DGKB: variants seen among roughly 807,000 people sequenced by gnomAD.
The protein encoded by DGKB is diacylglycerol kinase beta, also known as 90 kDa diacylglycerol kinase.
In DGKB, 67 loss-of-function variants were observed where a neutral mutation model predicts 114.3. The ratio of observed to expected loss-of-function variants is 0.59; its 90% CI spans 0.48 to 0.72. The LOEUF (loss-of-function observed/expected upper bound fraction) is 0.72, where lower values mean the gene tolerates loss of function less well. Ranked by LOEUF, DGKB falls within the 30% of genes least tolerant of loss-of-function variation. The pLI is 0.00. For missense variants in DGKB, 907 were observed against 975.2 expected, an observed-to-expected ratio of 0.93 and a Z score of 0.93; for synonymous variants, 398 against 323.1, an observed-to-expected ratio of 1.23 and a Z score of -2.49.
intron 6 of DGKB, among the ~76,000 whole-genome samples, chr7:14,718,137 C>A (rs1020882383): frequency 1.3e-5 from 2 of 152,126 alleles, no homozygotes; most frequent in African/African-American, 4.8e-5. Flanking sequence ...GAGATTTCCA[C>A]TGGGGAAAAG....
At chr7:14,484,760 C>T (rs1037556644) in intron 20 of DGKB, among the ~76,000 whole-genome samples, 10 of 151,988 alleles carry the variant, frequency 6.6e-5, no homozygotes, top group South Asian at 2.1e-4. Flanking sequence ...ATTGTATGTG[C>T]GATCTTTAGA....
chr7:14,751,755 G>C (rs1834158090), intron 4 of DGKB, among the ~76,000 whole-genome samples: 1 of 152,148 alleles, frequency 6.6e-6, no homozygotes. Context: ...TTTGAATGCA[G>C]AAGACATCAG....
intron 2 of DGKB, among the ~76,000 whole-genome samples, chr7:14,782,233 C>T (rs1839217352): frequency 1.3e-5 from 2 of 152,060 alleles, no homozygotes; most frequent in African/African-American, 2.4e-5. Flanking sequence ...GCCTTGTTGT[C>T]CAGGCTGGTC....
chr7:14,325,280 T>TG (rs1056419596), intron 23 of DGKB, among the ~76,000 whole-genome samples: 5 of 151,956 alleles, frequency 3.3e-5, no homozygotes, highest in Non-Finnish European at 2.9e-5. Flanking sequence ...GCTAGATCAG[T>TG]GGGGGGTCAT....
intron 20 of DGKB, 112 bp downstream of exon 20, chr7:14,574,100 C>T: frequency 1.2e-6 from 1 of 809,972 alleles, no homozygotes; most frequent in Non-Finnish European, 1.9e-6. Context: ...GTTTTGATGG[C>T]ACAAAAGGTA....
upstream of DGKB, among the ~76,000 whole-genome samples, chr7:14,907,282 T>G (rs1783759599): frequency 6.6e-6 from 1 of 152,234 alleles, no homozygotes; most frequent in East Asian, 1.9e-4. Flanking sequence ...CCATCACTAA[T>G]TTCTGGGCAG....
intron 21 of DGKB, among the ~76,000 whole-genome samples, chr7:14,382,976 G>A (rs996425130): frequency 2.0e-5 from 3 of 152,166 alleles, no homozygotes; most frequent in South Asian, 2.1e-4. Context: ...GTGTCCAGGC[G>A]AGAAACGGAA....
chr7:14,600,700 C>T (rs558087347), intron 17 of DGKB, among the ~76,000 whole-genome samples: 3 of 152,160 alleles, frequency 2.0e-5, no homozygotes, highest in Admixed American at 2.0e-4. Context: ...AAGTCCAACA[C>T]CCAACAAGGC....
At chr7:14,178,263 G>A (rs1782083179) in intron 23 of DGKB, 112 bp from the exon 24 acceptor site, 2 of 1,168,214 alleles carry the variant, frequency 1.7e-6, no homozygotes, top group Admixed American at 4.9e-5. Context: ...CACAAAGAAA[G>A]CTTGTCTTAG....
At chr7:14,678,305 T>A (rs1490318293) in intron 12 of DGKB, among the ~76,000 whole-genome samples, 1 of 151,968 alleles carries the variant, frequency 6.6e-6, no homozygotes, top group African/African-American at 2.4e-5. Flanking sequence ...AGCATTTGAG[T>A]TTTTCCTTTG....
At chr7:14,738,901 CAAACA>C (rs1387098609) in intron 4 of DGKB, among the ~76,000 whole-genome samples, 1 of 152,110 alleles carries the variant, frequency 6.6e-6, no homozygotes, top group Non-Finnish European at 1.5e-5. Flanking sequence ...ACATAACAAA[CAAACA>C]AAACAAACAA....
chr7:14,179,531 AG>A (rs1782319986), intron 23 of DGKB, among the ~76,000 whole-genome samples: 1 of 152,152 alleles, frequency 6.6e-6, no homozygotes, highest in South Asian at 2.1e-4. Flanking sequence ...TGTGTTTTGT[AG>A]GGAATCCACT....
chr7:14,958,107 A>G (rs922164654), intron 1 of DGKB, among the ~76,000 whole-genome samples: 5 of 152,004 alleles, frequency 3.3e-5, no homozygotes, highest in African/African-American at 4.8e-5. Flanking sequence ...TCTTATTCAA[A>G]CAATTTTGGC....
At chr7:14,749,402 T>C (rs1043132998) in intron 4 of DGKB, among the ~76,000 whole-genome samples, 3 of 152,172 alleles carry the variant, frequency 2.0e-5, no homozygotes, top group African/African-American at 7.2e-5. Flanking sequence ...CAGAGTCACA[T>C]ACTCCATTAA....
intron 3 of DGKB, among the ~76,000 whole-genome samples, chr7:14,755,969 A>G (rs1834810469): frequency 6.6e-6 from 1 of 152,054 alleles, no homozygotes; most frequent in African/African-American, 2.4e-5. Context: ...CATTGTTGAA[A>G]AGGGTGATAT....
At chr7:14,765,432 A>G (rs762578092) in intron 2 of DGKB, among the ~76,000 whole-genome samples, 4 of 152,050 alleles carry the variant, frequency 2.6e-5, no homozygotes, top group Non-Finnish European at 4.4e-5. Flanking sequence ...AGATTTGAGA[A>G]CATGAAGAAA....
chr7:14,549,326 T>C (rs1794773101), intron 20 of DGKB, among the ~76,000 whole-genome samples: 1 of 152,074 alleles, frequency 6.6e-6, no homozygotes, highest in South Asian at 2.1e-4. Flanking sequence ...GAGAAACCAG[T>C]TTGCACTGGT....
At chr7:14,746,536 C>T (rs963725798) in intron 4 of DGKB, among the ~76,000 whole-genome samples, 1 of 152,012 alleles carries the variant, frequency 6.6e-6, no homozygotes, top group South Asian at 2.1e-4. Flanking sequence ...TGCTCTTCCC[C>T]ACCCCATGCT....
At chr7:14,558,568 C>T (rs1189741791) in intron 20 of DGKB, among the ~76,000 whole-genome samples, 1 of 152,106 alleles carries the variant, frequency 6.6e-6, no homozygotes. Context: ...TTCCTTGTGG[C>T]CACATGTGTA....
Sources: allele counts gnomAD v4.1 joint callset (sites outside exome capture counted in the v4.1 genomes callset), GRCh38; gene constraint gnomAD v4.1.1; transcripts MANE v1.5; gene names NCBI Gene and HGNC (gene_info 2026-07-23, HGNC 2026-07-21).